Variants in KCNAB2 observed in about 807,000 individuals in gnomAD.
The protein encoded by KCNAB2 is potassium voltage-gated channel subfamily A regulatory beta subunit 2.
In KCNAB2, 29 loss-of-function variants were observed where a neutral mutation model predicts 63.6. The observed-to-expected ratio is 0.46, with a 90% CI of 0.34 to 0.62. The LOEUF (loss-of-function observed/expected upper bound fraction) is 0.62, where lower values mean the gene tolerates loss of function less well. Ranked by LOEUF, KCNAB2 falls within the 20% of genes least tolerant of loss-of-function variation. The probability of loss-of-function intolerance (pLI) is 0.01; values close to 1 mark genes in which losing one functional copy is unlikely to be tolerated. For missense variants in KCNAB2, 359 were observed against 563.9 expected, an observed-to-expected ratio of 0.64 and a Z score of 3.68; for synonymous variants, 222 against 224.2, an observed-to-expected ratio of 0.99 and a Z score of 0.09.
At chr1:6,091,382 A>C in intron 10 of KCNAB2, 75 bp downstream of exon 10, 1 of 1,105,242 alleles carries the variant, frequency 9.0e-7, no homozygotes, top group Non-Finnish European at 1.3e-6. Context: ...TTTTATTTAC[A>C]TGATTCTTTT....
Position 6,078,074 on chromosome 1 carries a change from A to C in KCNAB2, c.301-4121A>C, listed in dbSNP as rs1000915102. Among the ~76,000 whole-genome samples the C allele has an allele frequency of 6.7e-6, 1 of 149,380 alleles. No individual in the cohort carries two copies. The highest frequency in any genetic ancestry group is 1.5e-5 in the Non-Finnish European group (1 of 67,518). The stretch of plus-strand genomic sequence containing the variant: ...CCAGGACCTTTCCCGGCCTAAGTCC[A>C]GGAGTCAGCCGGGCCGGGCTCCCTT... On this transcript the variant is annotated intron_variant, in intron 4 of 15. Transcript: ENST00000378083. This position sits in a 1 kb window ranked among gnomAD's most constrained non-coding sequence, Gnocchi z 4.2.
intron 1 of KCNAB2, among the ~76,000 whole-genome samples, chr1:6,038,416 G>A (rs551636936): frequency 3.1e-4 from 47 of 152,142 alleles, no homozygotes; most frequent in African/African-American, 9.4e-4. Context: ...TCAGCCTCCC[G>A]AGTAGCTGGG....
Position 6,051,769 on chromosome 1 carries a change from G to C in KCNAB2, c.218+15G>C, listed in dbSNP as rs1171171004. 29 of 1,518,422 alleles carry C rather than the reference G, an allele frequency of 1.9e-5. No individual in the cohort carries two copies. Among genetic ancestry groups the C allele is most frequent in the Non-Finnish European group, 2.5e-5 (28 of 1,135,228 alleles). The allele number at this position is 1,518,422 out of a possible 1,614,324, so 94.1% of individuals were successfully genotyped here. On this transcript the variant is annotated intron_variant, in intron 2 of 15. Coordinates refer to ENST00000378083, the MANE Select transcript of KCNAB2 (RefSeq NM_001199862.2). ...ATGAAGTATCGGTAAGGGCCGGGCA[G>C]GGGGGCGGTGGGGTGGGAAGTCTGA...
exon 2 of KCNAB2, chr1:6,040,599 G>A (rs1378065803): frequency 9.3e-6 from 15 of 1,614,068 alleles, no homozygotes; most frequent in Non-Finnish European, 1.3e-5. Context: ...GGGCTCCCCG[G>A]CTCGGCTCTC....
At position 6,045,989 on chromosome 1, in the gene KCNAB2, C is replaced by G; in HGVS notation, c.-221C>G. 1 of 985,352 alleles carries G rather than the reference C, an allele frequency of 1.0e-6. No homozygotes were observed. Among genetic ancestry groups the G allele is most frequent in the Non-Finnish European group, 1.2e-6 (1 of 829,914 alleles). 61.0% of individuals were successfully genotyped at this position (985,352 alleles called of 1,614,324 possible). A position where few individuals can be genotyped will look rare whatever the true frequency, so the allele number is the denominator to read the frequency against. ...GCCTCTTTCACTGAGATGAAAACGC[C>G]CTAATAGAACTAATGGACTCGCTGC... On this transcript the variant is annotated 5_prime_UTR_variant, in exon 1 of 16. Coordinates refer to ENST00000378083, the MANE Select transcript of KCNAB2 (RefSeq NM_001199862.2). This position sits in a 1 kb window ranked among gnomAD's most constrained non-coding sequence, Gnocchi z 4.8.
intron 1 of KCNAB2, among the ~76,000 whole-genome samples, chr1:6,014,496 A>G (rs965627196): frequency 6.6e-6 from 1 of 152,232 alleles, no homozygotes; most frequent in Non-Finnish European, 1.5e-5. Context: ...TGTATGAGCA[A>G]CTCAAATCAA....
chr1:6,086,134 TAATA>T lies in KCNAB2; in HGVS notation c.425+890_425+893del. 1.0e-6 allele frequency: 1 copy of T among 985,382 alleles called. No individual in the cohort carries two copies. The highest frequency in any genetic ancestry group is 1.7e-5 in the African/African-American group (1 of 57,342). 61.0% of individuals were successfully genotyped at this position (985,382 alleles called of 1,614,324 possible). The stretch of plus-strand genomic sequence containing the variant: ...TGACAAGCCCCGGGGCCCTGTTCCT[TAATA>T]AATGCGTCTTTATTTTCAGAAACAT... On this transcript the variant is annotated intron_variant, in intron 6 of 15. Coordinates refer to ENST00000378083, the MANE Select transcript of KCNAB2 (RefSeq NM_001199862.2). This position sits in a 1 kb window ranked among gnomAD's most constrained non-coding sequence, Gnocchi z 4.2.
In KCNAB2 at chr1:6,010,866, G is replaced by A. The variant is rs564892901; in HGVS notation, c.-53+18078G>A. Among the ~76,000 whole-genome samples the A allele has an allele frequency of 1.5e-3, 222 of 152,358 alleles. 1 individual carries two copies. The highest frequency in any genetic ancestry group is 5.1e-3 in the African/African-American group (214 of 41,582). ...AGGGCGCTCTTCCCCAGAAATCATCGTGGAAGCGGCGAATGAGTGGCAGGA... is the reference window on the plus strand; with the variant it reads ...AGGGCGCTCTTCCCCAGAAATCATCATGGAAGCGGCGAATGAGTGGCAGGA... On this transcript the variant is annotated intron_variant, in intron 1 of 16. Transcript: ENST00000341524.
chr1:6,080,372 C>A lies in KCNAB2; in HGVS notation c.301-1823C>A, dbSNP rs139742871. Reference sequence around the variant, plus strand: ...TGGGCTCTCCCTGGGTGGGCACATCCGGGAGGAGGAGGCTGGGGGGGCAGC... The same window carrying A: ...TGGGCTCTCCCTGGGTGGGCACATCAGGGAGGAGGAGGCTGGGGGGGCAGC... On this transcript the variant is annotated intron_variant, in intron 4 of 15. Transcript: ENST00000378083. Among the ~76,000 whole-genome samples the A allele has an allele frequency of 9.9e-3, 1,512 of 152,224 alleles. 23 individuals carry two copies. The highest frequency in any genetic ancestry group is 0.034 in the African/African-American group (1,426 of 41,538).
In KCNAB2 at chr1:6,051,609, C is replaced by T. The variant is rs1477136035; in HGVS notation, c.73C>T (p.Pro25Ser). 3 of 1,534,846 alleles carry T rather than the reference C, an allele frequency of 2.0e-6. No individual in the cohort carries two copies. The highest frequency in any genetic ancestry group is 2.6e-6 in the Non-Finnish European group (3 of 1,146,656). The change falls in exon 2 of 16, where the codon CCC becomes TCC. Residue 25 changes from proline to serine, a missense_variant. Transcript: ENST00000378083. ...SRCHSEWALH[P>S]VRQTDTLELQ... Reference sequence around the variant, plus strand: ...GTGCCACTCTGAATGGGCCCTGCACCCCGTCCGCCAGACGGACACGCTGGA... The same window carrying T: ...GTGCCACTCTGAATGGGCCCTGCACTCCGTCCGCCAGACGGACACGCTGGA...
upstream of KCNAB2, among the ~76,000 whole-genome samples, chr1:6,044,074 T>C (rs1347775890): frequency 1.3e-5 from 2 of 152,124 alleles, no homozygotes; most frequent in Admixed American, 6.5e-5. Context: ...TCTTACGGCC[T>C]ATGGTTGGGG....
chr1:6,026,213 C>G (rs1345491939), intron 1 of KCNAB2: 1 of 152,422 alleles, frequency 6.6e-6, no homozygotes, highest in Non-Finnish European at 1.5e-5. Context: ...CCACCTGGGT[C>G]ACGCGCTAGG....
intron 1 of KCNAB2, among the ~76,000 whole-genome samples, chr1:6,000,001 G>A (rs766284424): frequency 6.6e-6 from 1 of 150,634 alleles, no homozygotes; most frequent in African/African-American, 2.5e-5. Flanking sequence ...TCTGCTGTCT[G>A]CACCCTCTCT....
In KCNAB2 at chr1:6,091,534, G is replaced by A. The variant is rs866908695; in HGVS notation, c.646+227G>A. On this transcript the variant is annotated intron_variant, in intron 10 of 15. Transcript: ENST00000378083. ...CATCCCCTCGTTCCTCCTTCCTCCC[G>A]TGCATGGCCCCCACCCCTGGGCTTG... 3.8e-4 allele frequency among the ~76,000 whole-genome samples: 52 copies of A among 137,428 alleles called. No individual in the cohort carries two copies. In the Middle Eastern group the frequency reaches 0.011, roughly 29 times the overall value. 90.2% of individuals were successfully genotyped at this position (137,428 alleles called of 152,430 possible).
intron 2 of KCNAB2, among the ~76,000 whole-genome samples, chr1:6,070,796 T>G (rs940127330): frequency 6.6e-6 from 1 of 152,000 alleles, no homozygotes; most frequent in Non-Finnish European, 1.5e-5. Context: ...AAATGCCCGG[T>G]GTCCTCCAGC....
chr1:6,012,929 C>G (rs1239633087), intron 1 of KCNAB2, among the ~76,000 whole-genome samples: 1 of 152,066 alleles, frequency 6.6e-6, no homozygotes, highest in African/African-American at 2.4e-5. Context: ...GGCATCCTCT[C>G]GGTCAGGGAT....
intron 4 of KCNAB2, among the ~76,000 whole-genome samples, chr1:6,080,447 A>G (rs1664099730): frequency 6.6e-6 from 1 of 152,022 alleles, no homozygotes; most frequent in African/African-American, 2.4e-5. Context: ...TGCATTTGAT[A>G]CCTCAGGGCA....
chr1:6,068,106 A>G (rs1662904546), intron 2 of KCNAB2, among the ~76,000 whole-genome samples: 1 of 152,368 alleles, frequency 6.6e-6, no homozygotes, highest in South Asian at 2.1e-4. Context: ...GCCTTCTGCA[A>G]CTTTTATGTC....
chr1:6,071,028 GACACGTTCAA>G lies in KCNAB2; in HGVS notation c.219-1726_219-1717del, dbSNP rs1242520733. 6.6e-6 allele frequency among the ~76,000 whole-genome samples: 1 copy of G among 152,178 alleles called. No homozygotes were observed. On this transcript the variant is annotated intron_variant, in intron 2 of 15. Coordinates refer to ENST00000378083, the MANE Select transcript of KCNAB2 (RefSeq NM_001199862.2). This position sits in a 1 kb window ranked among gnomAD's most constrained non-coding sequence, Gnocchi z 8.5. ...AATTTTAAAGTACCTTCAGTTTGGT[GACACGTTCAA>G]CTGTTTTCAAGCTGCTTACAAATAT...
Sources: allele counts gnomAD v4.1 joint callset (sites outside exome capture counted in the v4.1 genomes callset), GRCh38; gene constraint gnomAD v4.1.1; non-coding constraint Gnocchi (gnomAD v3.1); transcripts MANE v1.5; gene names NCBI Gene and HGNC (gene_info 2026-07-23, HGNC 2026-07-21).